UPRT: variants seen among roughly 807,000 people sequenced by gnomAD.
The protein encoded by UPRT is RP11-311P8.3.
Under a neutral mutation model 22.6 loss-of-function variants are expected in UPRT, and 5 were observed. The observed-to-expected ratio is 0.22, with a 90% CI of 0.12 to 0.47. The LOEUF (loss-of-function observed/expected upper bound fraction) is 0.47. UPRT is among the 20% of genes least tolerant of loss of function. The pLI is 0.99. For missense variants in UPRT, 181 were observed against 239.9 expected, an observed-to-expected ratio of 0.75 and a Z score of 1.62; for synonymous variants, 77 against 87.7, an observed-to-expected ratio of 0.88 and a Z score of 0.68.
At chrX:75,176,899 C>T (rs2082248553) in intron 4 of UPRT, among the ~76,000 whole-genome samples, 1 of 111,079 alleles carries the variant, frequency 9.0e-6, no homozygotes, top group Non-Finnish European at 1.9e-5. Flanking sequence ...GCCATTTTTC[C>T]CCATCAGAAA....
intron 4 of UPRT, among the ~76,000 whole-genome samples, chrX:75,194,980 C>T (rs183500272): frequency 1.0e-4 from 11 of 110,346 alleles, no homozygotes; most frequent in East Asian, 5.8e-4. Context: ...GCGGGGGGCA[C>T]GGTGCACTCA....
chrX:75,171,648 GTTGTTTTTTTTTTTTTATGTTACCAGAA>G (rs1273807489), intron 4 of UPRT, among the ~76,000 whole-genome samples: 1 of 19,315 alleles, frequency 5.2e-5, no homozygotes, highest in Admixed American at 1.2e-3. Flanking sequence ...GTTAAAGAAG[GTTGTTTTTTTTTTTTTATGTTACCAGAA>G]TTGTTTTTCT....
chrX:75,176,653 A>G lies in UPRT; in HGVS notation c.-447+8774A>G, dbSNP rs1032731032. On this transcript the variant is annotated intron_variant, in intron 4 of 13. Coordinates refer to the UPRT transcript ENST00000652605. The stretch of plus-strand genomic sequence containing the variant: ...TTTCTTTGCTTATTTCCTTTTGGGC[A>G]GGGGAGATTAGAGGAGGAGTATCAT... Among the ~76,000 whole-genome samples the G allele has an allele frequency of 4.5e-5, 5 of 110,789 alleles. 1 individual carries two copies. In the Admixed American group the frequency reaches 4.8e-4, roughly 11 times the overall value.
intron 4 of UPRT, among the ~76,000 whole-genome samples, chrX:75,226,586 T>C (rs2147639209): frequency 9.0e-6 from 1 of 111,301 alleles, no homozygotes; most frequent in South Asian, 3.8e-4. Flanking sequence ...GCACGTGTTA[T>C]TCCCTCTGCC....
chrX:75,178,890 G>A (rs2082259398), intron 4 of UPRT, among the ~76,000 whole-genome samples: 1 of 111,838 alleles, frequency 8.9e-6, no homozygotes, highest in Non-Finnish European at 1.9e-5. Flanking sequence ...AGCGCAGCCT[G>A]CTTTTATTCT....
intron 4 of UPRT, among the ~76,000 whole-genome samples, chrX:75,246,268 C>T (rs922392617): frequency 8.9e-5 from 7 of 78,927 alleles, no homozygotes; most frequent in Admixed American, 3.3e-4. Context: ...CCCCACCCCA[C>T]GACAGGCCTC....
At chrX:75,261,155 A>G (rs1344503029) in intron 4 of UPRT, among the ~76,000 whole-genome samples, 1 of 112,021 alleles carries the variant, frequency 8.9e-6, no homozygotes, top group African/African-American at 3.2e-5. Context: ...AAAGCAGGAA[A>G]GATCCAAAAT....
intron 4 of UPRT, among the ~76,000 whole-genome samples, chrX:75,203,566 G>C (rs774228332): frequency 7.4e-5 from 8 of 108,696 alleles, no homozygotes; most frequent in Non-Finnish European, 1.3e-4. Context: ...GCAAATGCAG[G>C]CTTTATGTCC....
At chrX:75,184,279 G>C (rs1373292986) in intron 4 of UPRT, among the ~76,000 whole-genome samples, 2 of 112,044 alleles carry the variant, frequency 1.8e-5, no homozygotes, top group Non-Finnish European at 3.8e-5. Context: ...ATTAAATAGG[G>C]AATCCTTTCC....
At chrX:75,157,879 G>A (rs761356377) in intron 1 of UPRT, among the ~76,000 whole-genome samples, 1 of 112,040 alleles carries the variant, frequency 8.9e-6, no homozygotes, top group African/African-American at 3.2e-5. Flanking sequence ...TCATATTAAT[G>A]ACTATATTGT....
intron 4 of UPRT, among the ~76,000 whole-genome samples, chrX:75,221,999 T>A (rs1181122883): frequency 1.8e-5 from 2 of 111,808 alleles, no homozygotes; most frequent in Non-Finnish European, 3.8e-5. Context: ...TACTTAGTTG[T>A]TGTGACCAAA....
At chrX:75,188,539 G>A (rs921382740) in intron 4 of UPRT, among the ~76,000 whole-genome samples, 6 of 112,802 alleles carry the variant, frequency 5.3e-5, no homozygotes, top group Non-Finnish European at 1.1e-4. Flanking sequence ...CTTGAGCTGT[G>A]GTGGGCTCCA....
At chrX:75,213,137 T>C (rs2082384193) in intron 4 of UPRT, among the ~76,000 whole-genome samples, 1 of 112,238 alleles carries the variant, frequency 8.9e-6, no homozygotes, top group African/African-American at 3.2e-5. Flanking sequence ...TCACACTGAA[T>C]TGCAGCTGTG....
chrX:75,260,585 G>A (rs2082564652), intron 4 of UPRT, among the ~76,000 whole-genome samples: 1 of 112,024 alleles, frequency 8.9e-6, no homozygotes, highest in Non-Finnish European at 1.9e-5. Flanking sequence ...GAATACAGGA[G>A]CACCCAGATT....
chrX:75,256,403 C>A (rs1456717917), intron 4 of UPRT, among the ~76,000 whole-genome samples: 5 of 111,244 alleles, frequency 4.5e-5, no homozygotes, highest in African/African-American at 1.6e-4. Flanking sequence ...ACACCTACAT[C>A]AGAAAGACTA....
intron 4 of UPRT, among the ~76,000 whole-genome samples, chrX:75,239,240 A>G (rs758657711): frequency 9.0e-6 from 1 of 111,640 alleles, no homozygotes; most frequent in South Asian, 3.7e-4. Context: ...AAGGAAGAAG[A>G]CCCTAATAAG....
chrX:75,266,143 T>G (rs893460542), intron 4 of UPRT, among the ~76,000 whole-genome samples: 2 of 110,718 alleles, frequency 1.8e-5, no homozygotes, highest in Non-Finnish European at 3.8e-5. Flanking sequence ...TCAATCCTAA[T>G]CCAAAACAAC....
chrX:75,238,249 A>G (rs891358424), intron 4 of UPRT, among the ~76,000 whole-genome samples: 10 of 111,165 alleles, frequency 9.0e-5, no homozygotes, highest in African/African-American at 2.9e-4. Flanking sequence ...CCTATCACAT[A>G]AGGACTCACA....
At chrX:75,188,984 G>A (rs189521411) in intron 4 of UPRT, among the ~76,000 whole-genome samples, 198 of 112,109 alleles carry the variant, frequency 1.8e-3, no homozygotes, top group African/African-American at 6.0e-3. Flanking sequence ...CTTCTGCATC[G>A]CGCACGCTGG....
Sources: gnomAD v4.1 joint callset for allele counts (sites outside exome capture counted in the v4.1 genomes callset) on GRCh38, gnomAD v4.1.1 for gene constraint, MANE v1.5 for transcripts, NCBI Gene and HGNC (gene_info 2026-07-23, HGNC 2026-07-21) for gene names.